ALPK1: variants seen among roughly 807,000 people sequenced by gnomAD.
ALPK1 encodes alpha kinase 1, also known as alpha-protein kinase 1.
ALPK1 carries 110 observed loss-of-function variants against 120.6 expected under a neutral mutation model. That is an observed-to-expected ratio of 0.91 (90% CI 0.78 to 1.07). The LOEUF is 1.07. Among genes scored for constraint, ALPK1 ranks in the 50% least tolerant of loss-of-function variants. ALPK1 has a pLI of 0.00. For synonymous variants in ALPK1, 582 were observed against 560.3 expected (o/e 1.04, Z -0.55); for missense variants, 1,498 against 1,483.9 (o/e 1.01, Z -0.16).
chr4:112,435,764 G>A (rs1207412177), intron 12 of ALPK1, among the ~76,000 whole-genome samples: 5 of 152,222 alleles, frequency 3.3e-5, no homozygotes, highest in South Asian at 2.1e-4. Context: ...TAGGGATCCC[G>A]CATAGGCGTT....
rs1734537754 is a variant in ALPK1 at position 112,431,292 on chromosome 4, C to G, written c.1745C>G (p.Ala582Gly). The change falls in exon 11 of 16, where the codon GCT becomes GGT. Residue 582 changes from alanine to glycine, a missense_variant. Physicochemically the swap from Ala to Gly is moderately conservative, Grantham distance 60. Transcript: ENST00000650871. Reference sequence around the variant, plus strand: ...CTGAGTGGCAGCCAGACTTCCAGTGCTTGGAGCAACTTATCAGGGTTTAGT... The same window carrying G: ...CTGAGTGGCAGCCAGACTTCCAGTGGTTGGAGCAACTTATCAGGGTTTAGT... ...KSLSGSQTSS[A>G]WSNLSGFSSS... 18 of 1,614,210 alleles carry G rather than the reference C, an allele frequency of 1.1e-5. No individual in the cohort carries two copies. Among genetic ancestry groups the G allele is most frequent in the Non-Finnish European group, 1.5e-5 (18 of 1,180,038 alleles).
At chr4:112,429,126 C>T (rs1321600800) in intron 9 of ALPK1, 23 bp from the exon 10 acceptor site, 1 of 1,598,398 alleles carries the variant, frequency 6.3e-7, no homozygotes, top group Non-Finnish European at 8.6e-7. Flanking sequence ...CACCATTCCA[C>T]TTAGCCTCCT....
At chr4:112,325,777 G>A (rs899407694) in intron 2 of ALPK1, among the ~76,000 whole-genome samples, 2 of 152,180 alleles carry the variant, frequency 1.3e-5, no homozygotes, top group African/African-American at 4.8e-5. Flanking sequence ...GTTCACAAAT[G>A]TTTCAGGCAA....
chr4:112,398,880 A>C (rs565131924), intron 4 of ALPK1, among the ~76,000 whole-genome samples: 28 of 152,294 alleles, frequency 1.8e-4, no homozygotes, highest in Non-Finnish European at 3.7e-4. Flanking sequence ...ACAAGAGAAA[A>C]AAAGAGTCAC....
chr4:112,433,784 A>G (rs1326701384), intron 11 of ALPK1, among the ~76,000 whole-genome samples: 1 of 152,218 alleles, frequency 6.6e-6, no homozygotes, highest in Admixed American at 6.5e-5. Flanking sequence ...TGGATCACTA[A>G]GCACTGGCTA....
At chr4:112,324,356 G>T (rs1207191949) in intron 2 of ALPK1, among the ~76,000 whole-genome samples, 1 of 148,892 alleles carries the variant, frequency 6.7e-6, no homozygotes, top group Non-Finnish European at 1.5e-5. Flanking sequence ...AAAAAAGCCT[G>T]CTCTTTGTCC....
intron 2 of ALPK1, among the ~76,000 whole-genome samples, chr4:112,341,478 G>A (rs1438151737): frequency 6.6e-6 from 1 of 152,194 alleles, no homozygotes; most frequent in African/African-American, 2.4e-5. Context: ...GAAAGGAAGT[G>A]CTTCAGTAGT....
intron 4 of ALPK1, among the ~76,000 whole-genome samples, chr4:112,393,778 CAAGTA>C (rs1256362307): frequency 6.6e-6 from 1 of 152,130 alleles, no homozygotes; most frequent in African/African-American, 2.4e-5. Flanking sequence ...ATCTTTTCTC[CAAGTA>C]AAGTAAGAAT....
At chr4:112,350,212 C>T (rs978128400) in intron 2 of ALPK1, among the ~76,000 whole-genome samples, 21 of 152,328 alleles carry the variant, frequency 1.4e-4, no homozygotes, top group Admixed American at 2.0e-4. Flanking sequence ...CTATCTCTAA[C>T]TTCAAAGCTA....
At chr4:112,329,382 A>G (rs542666513) in intron 2 of ALPK1, among the ~76,000 whole-genome samples, 4 of 152,208 alleles carry the variant, frequency 2.6e-5, no homozygotes, top group Non-Finnish European at 5.9e-5. Context: ...CACTGTTACC[A>G]GTGAAGAACA....
intron 2 of ALPK1, among the ~76,000 whole-genome samples, chr4:112,323,740 TAA>T (rs1321581953): frequency 3.9e-5 from 6 of 152,200 alleles, no homozygotes; most frequent in African/African-American, 1.4e-4. Flanking sequence ...TGGAAAATAT[TAA>T]GTTTGTCAGA....
At chr4:112,412,876 A>G (rs376426675) in intron 5 of ALPK1, among the ~76,000 whole-genome samples, 34 of 152,246 alleles carry the variant, frequency 2.2e-4, no homozygotes, top group African/African-American at 7.2e-4. Context: ...TTTCCTTTGA[A>G]AAGGAACTGT....
chr4:112,364,627 G>T (rs1353863293), intron 2 of ALPK1, among the ~76,000 whole-genome samples: 1 of 152,082 alleles, frequency 6.6e-6, no homozygotes, highest in African/African-American at 2.4e-5. Flanking sequence ...TATCAGACAT[G>T]CAAAGAAGAA....
intron 2 of ALPK1, among the ~76,000 whole-genome samples, chr4:112,324,215 T>A (rs556620779): frequency 1.3e-5 from 2 of 151,778 alleles, no homozygotes; most frequent in African/African-American, 4.8e-5. Context: ...TAGTCCCAGC[T>A]ACTGGGGAGG....
intron 1 of ALPK1, among the ~76,000 whole-genome samples, chr4:112,307,937 G>A (rs566339324): frequency 1.3e-5 from 2 of 152,164 alleles, no homozygotes; most frequent in African/African-American, 4.8e-5. Context: ...TTTTAGGGAA[G>A]GCCTGGTGGT....
At chr4:112,303,300 A>G (rs552463182) in intron 1 of ALPK1, among the ~76,000 whole-genome samples, 35 of 152,240 alleles carry the variant, frequency 2.3e-4, no homozygotes, top group African/African-American at 7.5e-4. Context: ...TCTACTCTGT[A>G]TTCCACAGGC....
chr4:112,428,565 T>G (rs972468132), intron 9 of ALPK1, among the ~76,000 whole-genome samples: 5 of 152,194 alleles, frequency 3.3e-5, no homozygotes, highest in Admixed American at 6.5e-5. Flanking sequence ...CGTTTAAAAT[T>G]GCAAACTTCC....
Position 112,423,957 on chromosome 4 carries a change from A to G in ALPK1, c.489A>G (p.Lys163=), listed in dbSNP as rs138427105. The change falls in exon 6 of 16, where the codon AAA becomes AAG. Residue 163 remains lysine (K), a synonymous_variant. Coordinates refer to ENST00000650871, the MANE Select transcript of ALPK1 (RefSeq NM_025144.4). ...GCTGCTTTTCAGGAAAACTTTTAAA[A>G]GCAGAGTATATTCTGAGCAGTCTAA... ...RISVNSGKLL[K]AEYILSSLIS... The G allele has an allele frequency of 7.2e-4, 1,158 of 1,613,982 alleles. 1 individual carries two copies. Among genetic ancestry groups the G allele is most frequent in the Non-Finnish European group, 8.7e-4 (1,032 of 1,179,990 alleles).
chr4:112,392,052 C>T (rs1281969348), intron 4 of ALPK1, among the ~76,000 whole-genome samples: 1 of 152,166 alleles, frequency 6.6e-6, no homozygotes, highest in South Asian at 2.1e-4. Context: ...CTAGTATCTA[C>T]TAAGTTATTT....
Sources: gnomAD v4.1 joint callset for allele counts (sites outside exome capture counted in the v4.1 genomes callset) on GRCh38, gnomAD v4.1.1 for gene constraint, MANE v1.5 for transcripts, NCBI Gene and HGNC (gene_info 2026-07-23, HGNC 2026-07-21) for gene names.